CFAP74: variants seen among roughly 807,000 people sequenced by gnomAD.
CFAP74 encodes the protein cilia- and flagella-associated protein 74.
Under a neutral mutation model 188.9 loss-of-function variants are expected in CFAP74, and 124 were observed. The ratio of observed to expected loss-of-function variants is 0.66; its 90% confidence interval spans 0.57 to 0.76. The LOEUF (loss-of-function observed/expected upper bound fraction) is 0.76, where lower values mean the gene tolerates loss of function less well. Ranked by LOEUF, CFAP74 falls within the 30% of genes least tolerant of loss-of-function variation. The pLI is 0.00. For missense variants in CFAP74, 2,198 were observed against 2,165.2 expected (o/e 1.02, Z -0.30); for synonymous variants, 956 against 916.7 (o/e 1.04, Z -0.77).
At chr1:1,925,466 G>A (rs1279420385) in intron 33 of CFAP74, among the ~76,000 whole-genome samples, 2 of 150,474 alleles carry the variant, frequency 1.3e-5, no homozygotes, top group African/African-American at 4.9e-5. Flanking sequence ...GTGAGTTCAA[G>A]CAGCAGGGCA....
intron 1 of CFAP74, among the ~76,000 whole-genome samples, chr1:1,997,256 C>T (rs939651914): frequency 6.6e-6 from 1 of 151,880 alleles, no homozygotes; most frequent in Non-Finnish European, 1.5e-5. Context: ...AACCCCGCCT[C>T]TACCAAAAAT....
At chr1:1,969,988 G>A (rs1655820447) in intron 10 of CFAP74, among the ~76,000 whole-genome samples, 1 of 152,266 alleles carries the variant, frequency 6.6e-6, no homozygotes, top group African/African-American at 2.4e-5. Flanking sequence ...AGCGTTACGG[G>A]CAGGGCTGGG....
At chr1:2,002,788 G>A (rs1658270570) in intron 1 of CFAP74, among the ~76,000 whole-genome samples, 14 of 149,326 alleles carry the variant, frequency 9.4e-5, no homozygotes, top group Admixed American at 9.4e-4. Flanking sequence ...ATTATATATT[G>A]TTTATATAAC....
chr1:1,976,732 G>A (rs1023479957), intron 6 of CFAP74, among the ~76,000 whole-genome samples: 3 of 152,120 alleles, frequency 2.0e-5, no homozygotes, highest in East Asian at 3.9e-4. Flanking sequence ...TAGTAGAGAC[G>A]GGGTTTCACC....
Position 1,975,327 on chromosome 1 carries a change from G to A in CFAP74, c.501-1129C>T, listed in dbSNP as rs1211657804. On this transcript the variant is annotated intron_variant, in intron 6 of 38. Coordinates refer to ENST00000682832, the MANE Select transcript of CFAP74 (RefSeq NM_001304360.2). The surrounding 1 kb of genome is among the most constrained non-coding windows in gnomAD (Gnocchi z 4.5). ...ATACTCAATGGTTTTCTCTTTTAAC[G>A]TGTTAATGTCAAGGATTTCTAACGT... Among the ~76,000 whole-genome samples the A allele has an allele frequency of 6.6e-6, 1 of 152,156 alleles. No individual in the cohort carries two copies. Among genetic ancestry groups the A allele is most frequent in the African/African-American group, 2.4e-5 (1 of 41,438 alleles).
chr1:1,927,338 T>C, intron 28 of CFAP74: 1 of 563,588 alleles, frequency 1.8e-6, no homozygotes, highest in South Asian at 2.2e-5. Context: ...CAGGGCTCAT[T>C]CTGCACCCGG....
chr1:1,937,460 G>A (rs1399432513), intron 25 of CFAP74, among the ~76,000 whole-genome samples: 2 of 152,144 alleles, frequency 1.3e-5, no homozygotes, highest in African/African-American at 2.4e-5. Context: ...AGGTCAGTAG[G>A]ACCCAAATGT....
intron 25 of CFAP74, among the ~76,000 whole-genome samples, chr1:1,933,800 T>A (rs867119760): frequency 6.6e-6 from 1 of 152,244 alleles, no homozygotes; most frequent in Non-Finnish European, 1.5e-5. Context: ...TTACCTTTTT[T>A]ATGTCTTTCT....
chr1:1,991,568 A>C (rs918662440), intron 1 of CFAP74, among the ~76,000 whole-genome samples: 3 of 152,076 alleles, frequency 2.0e-5, no homozygotes, highest in African/African-American at 4.8e-5. Context: ...GTGCCACTGC[A>C]CTCCAGCCTG....
intron 33 of CFAP74, 109 bp from the exon 34 acceptor site, chr1:1,924,629 G>T: frequency 7.8e-7 from 1 of 1,285,316 alleles, no homozygotes; most frequent in Non-Finnish European, 1.1e-6. Flanking sequence ...ACCCAAGTGG[G>T]GACCCGGGTG....
At chr1:1,971,134 C>CCTGG (rs1655988780) in intron 9 of CFAP74, among the ~76,000 whole-genome samples, 1 of 150,934 alleles carries the variant, frequency 6.6e-6, no homozygotes. Flanking sequence ...CACGTGCACA[C>CCTGG]ACATGCTCGC....
chr1:1,946,509 A>C, intron 19 of CFAP74, 70 bp from the exon 20 acceptor site: 3 of 1,454,492 alleles, frequency 2.1e-6, no homozygotes, highest in Non-Finnish European at 2.7e-6. Context: ...CAACCCTCAC[A>C]ATGGCATGTT....
intron 25 of CFAP74, among the ~76,000 whole-genome samples, chr1:1,936,918 A>T (rs1652937953): frequency 6.6e-6 from 1 of 152,100 alleles, no homozygotes; most frequent in African/African-American, 2.4e-5. Flanking sequence ...AAAAAAAAAA[A>T]AAAATTAAAA....
At chr1:1,987,929 C>T (rs1003166148) in intron 4 of CFAP74, 12 of 342,612 alleles carry the variant, frequency 3.5e-5, no homozygotes, top group African/African-American at 2.6e-4. Context: ...GTTAGGTGCC[C>T]GAGTTATGGG....
intron 25 of CFAP74, among the ~76,000 whole-genome samples, chr1:1,937,042 C>T (rs909107010): frequency 2.6e-5 from 4 of 152,260 alleles, no homozygotes; most frequent in Middle Eastern, 6.8e-3. Context: ...TTTGTGTAAA[C>T]GGCGAAGCAA....
At position 1,966,144 on chromosome 1, in the gene CFAP74, G is replaced by A. The variant is rs191852719; in HGVS notation, c.1401+227C>T. The stretch of plus-strand genomic sequence containing the variant: ...TGTCTGTCAGGGGGAGCTTGGGGTC[G>A]TCGAGCACGCGTGGTGCCCTCCAGG... On this transcript the variant is annotated intron_variant, in intron 12 of 38. Coordinates refer to ENST00000682832, the MANE Select transcript of CFAP74 (RefSeq NM_001304360.2). Among the ~76,000 whole-genome samples the A allele has an allele frequency of 2.2e-3, 340 of 152,330 alleles. 1 individual carries two copies. Among genetic ancestry groups the A allele is most frequent in the African/African-American group, 7.6e-3 (318 of 41,580 alleles).
intron 33 of CFAP74, among the ~76,000 whole-genome samples, chr1:1,924,915 A>G (rs559996392): frequency 6.6e-6 from 1 of 152,190 alleles, no homozygotes; most frequent in South Asian, 2.1e-4. Flanking sequence ...TGCCTCCAGG[A>G]CCCGCCCTGA....
At chr1:1,969,323 CTGCCT>C in intron 10 of CFAP74, among the ~76,000 whole-genome samples, 1 of 143,540 alleles carries the variant, frequency 7.0e-6, no homozygotes, top group Non-Finnish European at 1.5e-5. Flanking sequence ...CTGCCCAGCC[CTGCCT>C]TGCCCAGCCC....
chr1:1,998,860 G>C (rs919672845), intron 1 of CFAP74, among the ~76,000 whole-genome samples: 1 of 152,192 alleles, frequency 6.6e-6, no homozygotes, highest in African/African-American at 2.4e-5. Flanking sequence ...CTAGGCGACA[G>C]AGTGAGACTC....
Sources: gnomAD v4.1 joint callset for allele counts (sites outside exome capture counted in the v4.1 genomes callset) on GRCh38, gnomAD v4.1.1 for gene constraint, Gnocchi (gnomAD v3.1) non-coding constraint, MANE v1.5 for transcripts, NCBI Gene and HGNC (gene_info 2026-07-23, HGNC 2026-07-21) for gene names.